Variants in CPNE8 observed in about 807,000 individuals in gnomAD.
CPNE8 encodes copine 8.
In CPNE8, 45 loss-of-function variants were observed where a neutral mutation model predicts 81.5. The observed-to-expected ratio is 0.55, with a 90% CI of 0.44 to 0.71. The LOEUF (loss-of-function observed/expected upper bound fraction) is 0.71, where lower values mean the gene tolerates loss of function less well. CPNE8 is among the 30% of genes least tolerant of loss of function. CPNE8 has a pLI of 0.00. For synonymous variants in CPNE8, 252 were observed against 226.3 expected (o/e 1.11, Z -1.02); for missense variants, 594 against 672.1 (o/e 0.88, Z 1.28).
At chr12:38,809,142 C>A (rs1942882969) in intron 6 of CPNE8, among the ~76,000 whole-genome samples, 1 of 152,138 alleles carries the variant, frequency 6.6e-6, no homozygotes, top group Non-Finnish European at 1.5e-5. Context: ...AGTTTAGCAG[C>A]TAAAATAATG....
chr12:38,724,924 A>T (rs1054391625), intron 11 of CPNE8, 25 bp from the exon 12 acceptor site: 10 of 1,514,016 alleles, frequency 6.6e-6, no homozygotes, highest in Non-Finnish European at 9.1e-6. Flanking sequence ...AAAACAATTA[A>T]AATGTGTTAG....
chr12:38,696,265 C>G, intron 14 of CPNE8, among the ~76,000 whole-genome samples: 1 of 151,932 alleles, frequency 6.6e-6, no homozygotes, highest in Admixed American at 6.6e-5. Flanking sequence ...TGAAATTCAC[C>G]TTCTCCTCCT....
At chr12:38,710,399 A>C (rs550079824) in intron 13 of CPNE8, among the ~76,000 whole-genome samples, 11 of 152,058 alleles carry the variant, frequency 7.2e-5, no homozygotes, top group Non-Finnish European at 1.6e-4. Context: ...CTCTTGAGTC[A>C]TATAGACTGG....
intron 6 of CPNE8, among the ~76,000 whole-genome samples, chr12:38,808,712 C>G (rs555418397): frequency 4.0e-5 from 6 of 151,182 alleles, no homozygotes; most frequent in East Asian, 2.0e-4. Flanking sequence ...ATGTAACTAA[C>G]CTGCACATTG....
Position 38,670,766 on chromosome 12 carries a change from G to T in CPNE8, c.1469C>A (p.Ser490Tyr). 2 of 1,609,894 alleles carry T rather than the reference G, an allele frequency of 1.2e-6. No individual in the cohort carries two copies. Among genetic ancestry groups the T allele is most frequent in the Non-Finnish European group, 1.7e-6 (2 of 1,177,732 alleles). ...VELDGDDVRV[S>Y]SRGKYAERDI... ...TCTTTCAGCATATTTTCCTCTAGAG[G>T]AGACTCTTACATCATCTCCATCCAA... Residue 490 changes from serine to tyrosine, a missense_variant, in exon 19 of 20, where the codon TCC (serine) becomes TAC (tyrosine). Coordinates refer to ENST00000331366, the MANE Select transcript of CPNE8 (RefSeq NM_153634.3).
At chr12:38,788,637 T>C (rs140876347) in intron 6 of CPNE8, among the ~76,000 whole-genome samples, 3 of 151,660 alleles carry the variant, frequency 2.0e-5, no homozygotes, top group African/African-American at 7.2e-5. Context: ...GAGAAAGGTA[T>C]AGAAGGCATC....
chr12:38,785,708 T>A (rs745579714), intron 6 of CPNE8, among the ~76,000 whole-genome samples: 1 of 152,128 alleles, frequency 6.6e-6, no homozygotes, highest in East Asian at 1.9e-4. Flanking sequence ...ATTAGCACCA[T>A]GAGACATACA....
Position 38,853,596 on chromosome 12 carries a change from A to G in CPNE8, c.187-4934T>C, listed in dbSNP as rs185243371. Among the ~76,000 whole-genome samples the G allele has an allele frequency of 2.6e-5, 4 of 152,280 alleles. No homozygotes were observed. In the East Asian group the frequency reaches 7.7e-4, roughly 29 times the overall value. ...TGAAAAAAAAAGTGTGTAAACTTAA[A>G]TTTGTTAAAACCAGAAAACACTGTT... On this transcript the variant is annotated intron_variant, in intron 3 of 19. Transcript: ENST00000331366.
intron 6 of CPNE8, among the ~76,000 whole-genome samples, chr12:38,794,953 A>C (rs2136938189): frequency 6.6e-6 from 1 of 152,308 alleles, no homozygotes; most frequent in South Asian, 2.1e-4. Flanking sequence ...AGCAGGCAAG[A>C]GAAAGTGGGA....
At chr12:38,738,801 CTTTTCTTTTTT>C (rs1412129967) in intron 10 of CPNE8, among the ~76,000 whole-genome samples, 1 of 145,112 alleles carries the variant, frequency 6.9e-6, no homozygotes, top group African/African-American at 2.5e-5. Flanking sequence ...TAAAATTTTT[CTTTTCTTTTTT>C]TTTTTTCTTT....
At chr12:38,868,194 T>C (rs796994282) in intron 3 of CPNE8, among the ~76,000 whole-genome samples, 75 of 152,210 alleles carry the variant, frequency 4.9e-4, no homozygotes, top group African/African-American at 1.7e-3. Context: ...TTTACAGATA[T>C]ACCAAAATTG....
intron 19 of CPNE8, among the ~76,000 whole-genome samples, chr12:38,661,359 C>T (rs1460923475): frequency 1.3e-5 from 2 of 151,914 alleles, no homozygotes; most frequent in Admixed American, 6.6e-5. Flanking sequence ...ATCACAAGGA[C>T]AGAAAACCAA....
At chr12:38,698,388 C>A (rs370757752) in intron 14 of CPNE8, among the ~76,000 whole-genome samples, 19 of 152,082 alleles carry the variant, frequency 1.2e-4, no homozygotes, top group African/African-American at 4.3e-4. Flanking sequence ...CCCTTCAAAG[C>A]ATAAAAAGTT....
intron 11 of CPNE8, 57 bp from the exon 12 acceptor site, chr12:38,724,956 T>C (rs545907520): frequency 5.0e-6 from 7 of 1,400,452 alleles, no homozygotes; most frequent in Non-Finnish European, 9.9e-7. Flanking sequence ...AAGTTTTATA[T>C]TGAATTTTTA....
At chr12:38,887,860 A>G (rs1337703856) in intron 1 of CPNE8, among the ~76,000 whole-genome samples, 1 of 152,188 alleles carries the variant, frequency 6.6e-6, no homozygotes, top group Non-Finnish European at 1.5e-5. Flanking sequence ...TTGAGATTAT[A>G]TATCATTATT....
chr12:38,867,239 C>T (rs905488633), intron 3 of CPNE8, among the ~76,000 whole-genome samples: 2 of 151,238 alleles, frequency 1.3e-5, no homozygotes, highest in African/African-American at 2.4e-5. Flanking sequence ...CAAAGCTAAA[C>T]AGTGAAGCTA....
At chr12:38,890,444 CTT>C (rs1272165177) in intron 1 of CPNE8, among the ~76,000 whole-genome samples, 3 of 152,138 alleles carry the variant, frequency 2.0e-5, no homozygotes, top group Non-Finnish European at 4.4e-5. Context: ...CAAGTTCTGT[CTT>C]TTCCTTTTTT....
chr12:38,879,323 T>G (rs1489955675), intron 1 of CPNE8, among the ~76,000 whole-genome samples: 1 of 152,000 alleles, frequency 6.6e-6, no homozygotes, highest in Non-Finnish European at 1.5e-5. Context: ...TTTCCCCTTT[T>G]TTTTTTCCTT....
intron 10 of CPNE8, among the ~76,000 whole-genome samples, chr12:38,743,690 G>A (rs1048394709): frequency 6.6e-6 from 1 of 152,164 alleles, no homozygotes; most frequent in Admixed American, 6.5e-5. Flanking sequence ...GAACTCCAGA[G>A]ACTAAATTTT....
Sources: allele counts gnomAD v4.1 joint callset (sites outside exome capture counted in the v4.1 genomes callset), GRCh38; gene constraint gnomAD v4.1.1; transcripts MANE v1.5; gene names NCBI Gene and HGNC (gene_info 2026-07-23, HGNC 2026-07-21).